ADAMTS7: variants seen among roughly 807,000 people sequenced by gnomAD.
ADAMTS7 encodes the protein A disintegrin and metalloproteinase with thrombospondin motifs 7.
Under a neutral mutation model 172.6 loss-of-function variants are expected in ADAMTS7, and 89 were observed. The ratio of observed to expected loss-of-function variants is 0.52; its 90% CI spans 0.43 to 0.61. The LOEUF (loss-of-function observed/expected upper bound fraction) is 0.61, where lower values mean the gene tolerates loss of function less well. ADAMTS7 is among the 20% of genes least tolerant of loss of function. The probability of loss-of-function intolerance (pLI) is 0.00; values close to 1 mark genes in which losing one functional copy is unlikely to be tolerated. For synonymous variants in ADAMTS7, 885 were observed against 978.4 expected (o/e 0.90, Z 1.78); for missense variants, 1,973 against 2,355.6 (o/e 0.84, Z 3.36).
intron 3 of ADAMTS7, 47 bp from the exon 4 acceptor site, chr15:78,796,833 G>A: frequency 6.6e-7 from 1 of 1,526,342 alleles, no homozygotes; most frequent in Non-Finnish European, 8.8e-7. Flanking sequence ...GACAGGCCCA[G>A]GGCACACGTC....
chr15:78,774,043 G>A (rs2055296718), intron 13 of ADAMTS7, 124 bp downstream of exon 13: 1 of 1,466,916 alleles, frequency 6.8e-7, no homozygotes, highest in Admixed American at 2.1e-5. Context: ...GAGGGACCCA[G>A]GAGAGAACCT....
At chr15:78,765,515 T>A in intron 19 of ADAMTS7, 130 bp downstream of exon 19, 1 of 1,465,726 alleles carries the variant, frequency 6.8e-7, no homozygotes, top group East Asian at 2.3e-5. Flanking sequence ...ATCCCCCTAA[T>A]CCTGGGAACC....
Position 78,767,444 on chromosome 15 carries a change from T to C in ADAMTS7, c.2794A>G (p.Thr932Ala). ...ACATGGCGGTTGCAAGGGGTTTCAG[T>C]AGGGGGCCGGGGAAGGTGTTCACAG... ...PACEHLPRPP[T>A]ETPCNRHVPC... Residue 932 changes from threonine (T) to alanine (A), a missense_variant, in exon 18 of 24, where the codon ACT becomes GCT. This residue lies in a region of ADAMTS7 where 771 missense variants were observed against 952.6 expected (regional missense o/e 0.81). Transcript: ENST00000388820. 6.2e-7 allele frequency: 1 copy of C among 1,611,760 alleles called. No individual in the cohort carries two copies. Among genetic ancestry groups the C allele is most frequent in the Non-Finnish European group, 8.5e-7 (1 of 1,179,794 alleles).
chr15:78,794,959 T>C (rs1186715722), intron 4 of ADAMTS7, among the ~76,000 whole-genome samples: 1 of 152,214 alleles, frequency 6.6e-6, no homozygotes, highest in East Asian at 1.9e-4. Flanking sequence ...TCAAGTGATC[T>C]GCCCACCTTG....
At chr15:78,776,406 G>T (rs554309115) in intron 10 of ADAMTS7, 73 bp from the exon 11 acceptor site, 2 of 1,546,232 alleles carry the variant, frequency 1.3e-6, no homozygotes, top group African/African-American at 2.7e-5. Context: ...GTGAGAACAA[G>T]GTGGGTGGGA....
intron 20 of ADAMTS7, 106 bp from the exon 21 acceptor site, chr15:78,764,205 G>C: frequency 7.2e-7 from 1 of 1,390,682 alleles, no homozygotes; most frequent in Non-Finnish European, 9.5e-7. Context: ...GCCCCAGCCC[G>C]GGGGAATAGC....
At chr15:78,804,458 CACG>C (rs1463253856) in intron 1 of ADAMTS7, among the ~76,000 whole-genome samples, 3 of 152,174 alleles carry the variant, frequency 2.0e-5, no homozygotes, top group Non-Finnish European at 4.4e-5. Flanking sequence ...CCTGGCTGTT[CACG>C]ACAATAGACT....
At chr15:78,802,236 A>G (rs1397919015) in intron 1 of ADAMTS7, among the ~76,000 whole-genome samples, 1 of 152,212 alleles carries the variant, frequency 6.6e-6, no homozygotes. Context: ...GCAGATAACC[A>G]CAGCACTTAC....
chr15:78,766,792 G>T lies in ADAMTS7; in HGVS notation c.3119C>A (p.Thr1040Asn), dbSNP rs761221094. The change falls in exon 19 of 24, where the codon ACC becomes AAC. Residue 1040 changes from threonine to asparagine, a missense_variant. This residue lies in a region of ADAMTS7 where 771 missense variants were observed against 952.6 expected (regional missense o/e 0.81). Coordinates refer to ENST00000388820, the MANE Select transcript of ADAMTS7 (RefSeq NM_014272.5). ...CTCCTCCTCAATGGCGTTGCCCATG[G>T]TGCCTGGCTTGGGTGATGAGGCGGG... ...PSPASSPKPG[T>N]MGNAIEEEAP... The T allele has an allele frequency of 1.2e-5, 20 of 1,610,528 alleles. No homozygotes were observed. The highest frequency in any genetic ancestry group is 2.2e-4 in the Middle Eastern group (1 of 4,454).
intron 8 of ADAMTS7, among the ~76,000 whole-genome samples, chr15:78,780,880 C>T (rs1314478738): frequency 6.6e-6 from 1 of 152,188 alleles, no homozygotes; most frequent in South Asian, 2.1e-4. Flanking sequence ...TACAGACCCA[C>T]GAGGACTGCA....
chr15:78,788,514 G>A (rs2055537460), intron 7 of ADAMTS7, 140 bp from the exon 8 acceptor site: 3 of 988,588 alleles, frequency 3.0e-6, no homozygotes, highest in Non-Finnish European at 4.5e-6. Context: ...AATGGCTGCA[G>A]AAAGTCACAT....
chr15:78,768,724 G>A (rs2055200529), intron 16 of ADAMTS7, among the ~76,000 whole-genome samples: 1 of 152,202 alleles, frequency 6.6e-6, no homozygotes, highest in Non-Finnish European at 1.5e-5. Context: ...CTGTTAGCAT[G>A]CAAACCCAGC....
At chr15:78,794,972 C>G (rs1567235284) in intron 4 of ADAMTS7, among the ~76,000 whole-genome samples, 1 of 152,208 alleles carries the variant, frequency 6.6e-6, no homozygotes, top group Non-Finnish European at 1.5e-5. Context: ...CCACCTTGGC[C>G]TCTCAAAGCG....
chr15:78,790,867 C>G (rs533503003), intron 5 of ADAMTS7, 73 bp from the exon 6 acceptor site: 43 of 1,591,190 alleles, frequency 2.7e-5, no homozygotes, highest in Non-Finnish European at 3.4e-5. Context: ...CTCCCCCATA[C>G]GAAGGCAGGA....
chr15:78,764,151 C>T (rs751236205), intron 20 of ADAMTS7, 52 bp from the exon 21 acceptor site: 8 of 1,460,538 alleles, frequency 5.5e-6, no homozygotes, highest in East Asian at 2.5e-5. Flanking sequence ...GGCCCACAGG[C>T]GTGACCCCGT....
chr15:78,804,934 G>A (rs2055769882), intron 1 of ADAMTS7, among the ~76,000 whole-genome samples: 1 of 152,198 alleles, frequency 6.6e-6, no homozygotes, highest in East Asian at 1.9e-4. Context: ...GAGCCTCCGG[G>A]AACTGTGATC....
At chr15:78,772,440 C>A (rs1293194774) in intron 14 of ADAMTS7, among the ~76,000 whole-genome samples, 2 of 152,258 alleles carry the variant, frequency 1.3e-5, no homozygotes, top group East Asian at 3.8e-4. Context: ...CTCAGCCTGG[C>A]ACTCAAGGCC....
intron 4 of ADAMTS7, among the ~76,000 whole-genome samples, chr15:78,795,131 C>T (rs1004579883): frequency 1.3e-5 from 2 of 152,236 alleles, no homozygotes; most frequent in Non-Finnish European, 2.9e-5. Context: ...GTCTTTCAGG[C>T]TGAGCCCCCA....
intron 17 of ADAMTS7, 24 bp from the exon 18 acceptor site, chr15:78,767,616 T>C: frequency 6.6e-7 from 1 of 1,520,478 alleles, no homozygotes; most frequent in Non-Finnish European, 8.8e-7. Flanking sequence ...ACAGGTGGCA[T>C]CAGTGTGGCA....
Sources: gnomAD v4.1 joint callset for allele counts (sites outside exome capture counted in the v4.1 genomes callset) on GRCh38, gnomAD v4.1.1 for gene constraint, gnomAD v4.1.1 regional missense constraint, MANE v1.5 for transcripts, NCBI Gene and HGNC (gene_info 2026-07-23, HGNC 2026-07-21) for gene names.